Variants in CLTRN observed in about 807,000 individuals in gnomAD.
The protein encoded by CLTRN is collectrin, amino acid transport regulator, also known as collectrin.
In CLTRN, 12 loss-of-function variants were observed where a neutral mutation model predicts 14.5. The observed-to-expected ratio is 0.83, with a 90% confidence interval of 0.53 to 1.34. The LOEUF is 1.34. CLTRN is among the 40% of genes most tolerant of loss of function. The probability of loss-of-function intolerance (pLI) is 0.00; values close to 1 mark genes in which losing one functional copy is unlikely to be tolerated. For synonymous variants in CLTRN, 58 were observed against 56.5 expected, an observed-to-expected ratio of 1.03 and a Z score of -0.12; for missense variants, 154 against 165.1, an observed-to-expected ratio of 0.93 and a Z score of 0.37.
At chrX:15,646,206 G>T (rs915648565) in intron 3 of CLTRN, 5 of 208,113 alleles carry the variant, frequency 2.4e-5, no homozygotes, top group Non-Finnish European at 2.7e-5. Flanking sequence ...CTCTGGCCTG[G>T]CCGTGGCCTC....
At chrX:15,649,433 G>A (rs1368058652) in intron 3 of CLTRN, among the ~76,000 whole-genome samples, 1 of 112,210 alleles carries the variant, frequency 8.9e-6, no homozygotes, top group Non-Finnish European at 1.9e-5. Flanking sequence ...ATTTTCAATA[G>A]AGACAGTTAT....
intron 1 of CLTRN, among the ~76,000 whole-genome samples, chrX:15,673,600 T>G (rs964657092): frequency 8.9e-6 from 1 of 112,512 alleles, no homozygotes; most frequent in Non-Finnish European, 1.9e-5. Context: ...AGAGCCAGGG[T>G]GAGCTTAATA....
upstream of CLTRN, among the ~76,000 whole-genome samples, chrX:15,675,252 G>A (rs1462817961): frequency 8.9e-6 from 1 of 112,170 alleles, no homozygotes; most frequent in East Asian, 2.8e-4. Context: ...TGAGCCCAAG[G>A]GAGGGAGGTG....
Position 15,639,743 on chromosome X carries a change from G to T in CLTRN, c.331C>A (p.Arg111=), listed in dbSNP as rs745828157. Residue 111 remains arginine, a synonymous_variant, in exon 5 of 6, where the codon CGG becomes AGG. Coordinates refer to ENST00000380342, the MANE Select transcript of CLTRN (RefSeq NM_020665.6). ...VQSAIRMNKN[R]INNAFFLNDQ... The stretch of plus-strand genomic sequence containing the variant: ...TTTAGAAAGAAGGCATTGTTGATCC[G>T]GTTCTTGTTCATTCTAAAATGCAAT... 8 of 1,198,824 alleles carry T rather than the reference G, an allele frequency of 6.7e-6. No homozygotes were observed. The highest frequency in any genetic ancestry group is 7.9e-6 in the Non-Finnish European group (7 of 890,253).
At chrX:15,646,304 G>A in intron 3 of CLTRN, 1 of 252,482 alleles carries the variant, frequency 4.0e-6, no homozygotes, top group Non-Finnish European at 7.7e-6. Flanking sequence ...AAGGTCGCTG[G>A]TCACTGAGCC....
intron 5 of CLTRN, among the ~76,000 whole-genome samples, chrX:15,633,741 T>C (rs1295729362): frequency 1.8e-5 from 2 of 111,501 alleles, no homozygotes; most frequent in East Asian, 5.5e-4. Context: ...GGAATATAAG[T>C]ATAACTAGAA....
At chrX:15,675,306 G>C (rs757801258), upstream of CLTRN, among the ~76,000 whole-genome samples, 2 of 112,154 alleles carry the variant, frequency 1.8e-5, no homozygotes, top group East Asian at 2.8e-4. Flanking sequence ...TGGGCGAAGG[G>C]TGGAAAAGTG....
intron 3 of CLTRN, among the ~76,000 whole-genome samples, chrX:15,647,094 G>C (rs1929100423): frequency 8.9e-6 from 1 of 112,497 alleles, no homozygotes; most frequent in Admixed American, 9.3e-5. Context: ...GCCTGCACCT[G>C]GAAGGAGCTT....
upstream of CLTRN, among the ~76,000 whole-genome samples, chrX:15,665,575 A>G (rs1050018571): frequency 8.9e-6 from 1 of 112,181 alleles, no homozygotes; most frequent in Non-Finnish European, 1.9e-5. Flanking sequence ...TTCTGTGGCG[A>G]TGGGAATGTT....
intron 3 of CLTRN, among the ~76,000 whole-genome samples, chrX:15,655,560 C>G (rs1158012760): frequency 2.7e-5 from 3 of 112,219 alleles, no homozygotes; most frequent in South Asian, 7.5e-4. Context: ...TGTTCCCTTC[C>G]AAAGCCTCTG....
chrX:15,646,474 G>GGC, intron 3 of CLTRN: 1 of 84,419 alleles, frequency 1.2e-5, no homozygotes. Flanking sequence ...CCCCCCGCCC[G>GGC]ACCCCCGCGC....
chrX:15,660,798 C>A (rs1347119150), intron 2 of CLTRN, among the ~76,000 whole-genome samples: 1 of 84,178 alleles, frequency 1.2e-5, no homozygotes, highest in Non-Finnish European at 2.2e-5. Flanking sequence ...CAGAGTGAGA[C>A]CCTGTCTCCA....
intron 4 of CLTRN, 81 bp from the exon 5 acceptor site, chrX:15,639,837 A>G: frequency 4.4e-6 from 4 of 913,098 alleles, no homozygotes; most frequent in Non-Finnish European, 6.1e-6. Context: ...CTGTTTCTCC[A>G]TGATTATAAA....
chrX:15,637,360 G>A (rs934455605), intron 5 of CLTRN, among the ~76,000 whole-genome samples: 3 of 111,497 alleles, frequency 2.7e-5, no homozygotes, highest in Non-Finnish European at 5.7e-5. Context: ...CACATTTGAC[G>A]CAACATTTTG....
At chrX:15,645,671 A>G (rs1220255217) in intron 3 of CLTRN, among the ~76,000 whole-genome samples, 1 of 112,529 alleles carries the variant, frequency 8.9e-6, no homozygotes, top group Non-Finnish European at 1.9e-5. Context: ...AGACTTTTCA[A>G]CTGCAAATTG....
intron 1 of CLTRN, among the ~76,000 whole-genome samples, chrX:15,672,201 GA>G (rs971497260): frequency 1.0e-4 from 11 of 110,203 alleles, no homozygotes; most frequent in East Asian, 5.6e-4. Flanking sequence ...TCTTAAATGG[GA>G]AAAAAAAAGT....
intron 5 of CLTRN, among the ~76,000 whole-genome samples, chrX:15,635,206 T>C (rs189852553): frequency 5.4e-5 from 6 of 111,395 alleles, no homozygotes; most frequent in African/African-American, 2.0e-4. Context: ...TTAGGGTATT[T>C]ATTCAGAATT....
At position 15,657,409 on chromosome X, in the gene CLTRN, C is replaced by A. The variant is rs771916094; in HGVS notation, c.203+1607G>T. On this transcript the variant is annotated intron_variant, in intron 3 of 5. Transcript: ENST00000380342. ...GGAAGATATTTTAAAGGTAAACTCCCAAAAATCAATCTGAAATGTTATATA... is the reference window on the plus strand; with the variant it reads ...GGAAGATATTTTAAAGGTAAACTCCAAAAAATCAATCTGAAATGTTATATA... Among the ~76,000 whole-genome samples, 6 of 112,327 alleles carry A rather than the reference C, an allele frequency of 5.3e-5. No individual in the cohort carries two copies. In the South Asian group the frequency reaches 2.2e-3, roughly 41 times the overall value.
intron 5 of CLTRN, among the ~76,000 whole-genome samples, chrX:15,636,514 A>G (rs973227628): frequency 1.7e-4 from 19 of 112,154 alleles, no homozygotes; most frequent in African/African-American, 6.1e-4. Context: ...TAATATATAC[A>G]TATATCAAAA....
Sources: gnomAD v4.1 joint callset for allele counts (sites outside exome capture counted in the v4.1 genomes callset) on GRCh38, gnomAD v4.1.1 for gene constraint, MANE v1.5 for transcripts, NCBI Gene and HGNC (gene_info 2026-07-23, HGNC 2026-07-21) for gene names.